The following EYA2 variants were observed in gnomAD, a reference collection of about 807,000 sequenced individuals.
EYA2 encodes the protein EYA transcriptional coactivator and phosphatase 2, also known as protein phosphatase EYA2.
Under a neutral mutation model 69.2 loss-of-function variants are expected in EYA2, and 31 were observed. The observed-to-expected ratio is 0.45, with a 90% confidence interval of 0.34 to 0.60. The LOEUF is 0.60. Ranked by LOEUF, EYA2 falls within the 20% of genes least tolerant of loss-of-function variation. EYA2 has a pLI of 0.02. For missense variants in EYA2, 622 were observed against 701.2 expected, an observed-to-expected ratio of 0.89 and a Z score of 1.28; for synonymous variants, 257 against 279.4, an observed-to-expected ratio of 0.92 and a Z score of 0.80.
intron 7 of EYA2, among the ~76,000 whole-genome samples, chr20:47,078,645 A>G (rs1251763921): frequency 6.6e-6 from 1 of 152,248 alleles, no homozygotes; most frequent in Non-Finnish European, 1.5e-5. Context: ...GCTGATATAG[A>G]GGGCAGAATC....
chr20:47,023,386 TTTTC>T (rs1018281602), intron 5 of EYA2, among the ~76,000 whole-genome samples: 2 of 152,218 alleles, frequency 1.3e-5, no homozygotes, highest in African/African-American at 4.8e-5. Flanking sequence ...CTTGATGTAG[TTTTC>T]TTTATGATTC....
At chr20:47,009,874 CTT>C (rs567623116) in intron 4 of EYA2, among the ~76,000 whole-genome samples, 6 of 152,208 alleles carry the variant, frequency 3.9e-5, no homozygotes, top group Admixed American at 2.0e-4. Context: ...TGTTTTAAAA[CTT>C]TACCTACATT....
chr20:47,059,721 C>T (rs1396596602), intron 5 of EYA2, among the ~76,000 whole-genome samples: 1 of 152,206 alleles, frequency 6.6e-6, no homozygotes, highest in African/African-American at 2.4e-5. Context: ...TGGGGCTTTC[C>T]CCAAACTCTC....
chr20:47,173,130 G>A (rs543314729), intron 12 of EYA2, among the ~76,000 whole-genome samples: 33 of 152,206 alleles, frequency 2.2e-4, no homozygotes, highest in East Asian at 7.7e-4. Flanking sequence ...ACGTGGGGGC[G>A]GAATTCTCTT....
At chr20:46,955,831 G>C (rs1487248735) in intron 1 of EYA2, among the ~76,000 whole-genome samples, 1 of 152,168 alleles carries the variant, frequency 6.6e-6, no homozygotes, top group African/African-American at 2.4e-5. Flanking sequence ...TGATCACTGA[G>C]TACAGGCATT....
chr20:46,970,133 C>T (rs1490466896), intron 1 of EYA2, among the ~76,000 whole-genome samples: 1 of 152,196 alleles, frequency 6.6e-6, no homozygotes, highest in Non-Finnish European at 1.5e-5. Context: ...GACTGCAGTT[C>T]TTGGTGAAGA....
intron 1 of EYA2, among the ~76,000 whole-genome samples, chr20:46,921,202 C>T (rs533992235): frequency 1.9e-4 from 29 of 152,356 alleles, no homozygotes; most frequent in African/African-American, 7.0e-4. Context: ...AGCAATGCGC[C>T]GGCCCTCGCC....
chr20:47,013,980 C>T (rs1431984508), intron 4 of EYA2, among the ~76,000 whole-genome samples: 1 of 152,068 alleles, frequency 6.6e-6, no homozygotes, highest in East Asian at 1.9e-4. Flanking sequence ...ATTGCTAGAC[C>T]CCAGTCCAAT....
At chr20:47,104,101 T>C (rs1309962995) in intron 9 of EYA2, among the ~76,000 whole-genome samples, 1 of 152,192 alleles carries the variant, frequency 6.6e-6, no homozygotes, top group Non-Finnish European at 1.5e-5. Flanking sequence ...CTCATCAATA[T>C]GTTATTGTCT....
At position 47,180,059 on chromosome 20, in the gene EYA2, G is replaced by GTCTCA. The variant is rs200811794; in HGVS notation, c.1313+148_1313+152dup. On this transcript the variant is annotated intron_variant, in intron 13 of 15. Coordinates refer to ENST00000327619, the MANE Select transcript of EYA2 (RefSeq NM_005244.5). ...AAATATTTTTTTTTTTTGATATGGA[G>GTCTCA]TCTCACTCTGTCGCCCAGGCTGGAG... is the stretch of plus-strand genomic sequence containing the variant. The GTCTCA allele has an allele frequency of 9.0e-3, 5,525 of 611,270 alleles. 190 individuals carry two copies. The highest frequency in any genetic ancestry group is 0.07 in the East Asian group (2,528 of 36,072). 37.9% of individuals were successfully genotyped at this position (611,270 alleles called of 1,614,324 possible).
At chr20:47,027,950 C>G (rs538365269) in intron 5 of EYA2, among the ~76,000 whole-genome samples, 1 of 152,142 alleles carries the variant, frequency 6.6e-6, no homozygotes, top group African/African-American at 2.4e-5. Flanking sequence ...AATTGTTTCC[C>G]GCCCCTAAAA....
intron 5 of EYA2, among the ~76,000 whole-genome samples, chr20:47,034,135 G>A (rs960216957): frequency 1.1e-4 from 17 of 152,186 alleles, no homozygotes; most frequent in Admixed American, 7.2e-4. Flanking sequence ...CTAGGTTTAA[G>A]GTCTTTGGCA....
chr20:46,975,686 G>A (rs1029259464), intron 1 of EYA2, among the ~76,000 whole-genome samples: 8 of 151,804 alleles, frequency 5.3e-5, no homozygotes, highest in African/African-American at 1.2e-4. Context: ...AGGCTGAGGC[G>A]GGTGGATCAC....
chr20:46,989,957 G>C (rs1981543904), intron 1 of EYA2, 44 bp from the exon 2 acceptor site: 1 of 948,252 alleles, frequency 1.1e-6, no homozygotes, highest in Non-Finnish European at 1.7e-6. Context: ...TAGCAAGCAT[G>C]CATAATTAAT....
At chr20:46,980,151 T>C (rs929284539) in intron 1 of EYA2, among the ~76,000 whole-genome samples, 1 of 152,158 alleles carries the variant, frequency 6.6e-6, no homozygotes, top group Non-Finnish European at 1.5e-5. Flanking sequence ...TGGTTGAGAA[T>C]CCTGACTCTA....
In EYA2 at chr20:46,989,994, CT is replaced by C; in HGVS notation, c.-10-4del. On this transcript the variant is annotated splice_region_variant and splice_polypyrimidine_tract_variant and intron_variant, in intron 1 of 15. Transcript: ENST00000327619. Reference sequence around the variant, plus strand: ...AATAAATTATATTTCCCTTTGTTTTCTTTCAGGTACAAGGAAATGGTAGAAC... The same window carrying C: ...AATAAATTATATTTCCCTTTGTTTTCTTCAGGTACAAGGAAATGGTAGAAC... 1.4e-6 allele frequency: 2 copies of C among 1,380,268 alleles called. No individual in the cohort carries two copies. The allele number at this position is 1,380,268 out of a possible 1,614,324, so 85.5% of individuals were successfully genotyped here. A position where few individuals can be genotyped will look rare whatever the true frequency, so the allele number is the denominator to read the frequency against.
intron 9 of EYA2, among the ~76,000 whole-genome samples, chr20:47,123,057 C>T (rs749332327): frequency 6.6e-6 from 1 of 152,106 alleles, no homozygotes; most frequent in Non-Finnish European, 1.5e-5. Context: ...ATAATACTCA[C>T]CTTATAGGGT....
intron 1 of EYA2, among the ~76,000 whole-genome samples, chr20:46,918,541 A>G (rs928666672): frequency 6.6e-6 from 1 of 152,092 alleles, no homozygotes; most frequent in Non-Finnish European, 1.5e-5. Flanking sequence ...TCCCGCACTC[A>G]GGCGATCCAT....
At chr20:47,039,204 C>T (rs1984900890) in intron 5 of EYA2, among the ~76,000 whole-genome samples, 1 of 152,176 alleles carries the variant, frequency 6.6e-6, no homozygotes, top group Non-Finnish European at 1.5e-5. Context: ...CTAAAACCCT[C>T]AGGCCAAATC....
Sources: gnomAD v4.1 joint callset for allele counts (sites outside exome capture counted in the v4.1 genomes callset) on GRCh38, gnomAD v4.1.1 for gene constraint, MANE v1.5 for transcripts, NCBI Gene and HGNC (gene_info 2026-07-23, HGNC 2026-07-21) for gene names.